Variants in RGS6 observed in about 807,000 individuals in gnomAD.
RGS6 encodes regulator of G-protein signaling 6.
A neutral mutation model predicts 78.5 loss-of-function variants in RGS6; 30 were observed. The ratio of observed to expected loss-of-function variants is 0.38; its 90% CI spans 0.29 to 0.52. RGS6 has a LOEUF of 0.52. Among genes scored for constraint, RGS6 ranks in the 20% least tolerant of loss-of-function variants. The pLI, the probability that RGS6 is intolerant of heterozygous loss-of-function variation, is 0.85. For missense variants in RGS6, 495 were observed against 609.7 expected (o/e 0.81, Z 1.98); for synonymous variants, 206 against 206.0 (o/e 1.00, Z 0.00).
intron 2 of RGS6, among the ~76,000 whole-genome samples, chr14:72,295,355 C>T (rs546968998): frequency 6.6e-6 from 1 of 151,828 alleles, no homozygotes; most frequent in African/African-American, 2.4e-5. Flanking sequence ...GTATACGCAA[C>T]TGTGAAAAAG....
chr14:71,981,758 C>G (rs1171061264), intron 2 of RGS6, among the ~76,000 whole-genome samples: 1 of 150,934 alleles, frequency 6.6e-6, no homozygotes, highest in African/African-American at 2.4e-5. Context: ...TGCCCTGCCC[C>G]CAGAGGTGGA....
chr14:72,413,378 C>G (rs1482918770), intron 3 of RGS6, among the ~76,000 whole-genome samples: 2 of 152,158 alleles, frequency 1.3e-5, no homozygotes, highest in South Asian at 4.1e-4. Context: ...TTATCAGAGA[C>G]TAGGATTGCA....
chr14:72,352,483 G>C (rs1398577906), intron 3 of RGS6, among the ~76,000 whole-genome samples: 2 of 152,008 alleles, frequency 1.3e-5, no homozygotes, highest in African/African-American at 4.8e-5. Flanking sequence ...TTTGCCTGTG[G>C]GATACACACA....
chr14:72,533,535 T>C (rs1325959571), intron 15 of RGS6, among the ~76,000 whole-genome samples: 3 of 152,254 alleles, frequency 2.0e-5, no homozygotes, highest in African/African-American at 7.2e-5. Context: ...CAGACAGTGA[T>C]TCCTCTGATG....
chr14:71,937,817 C>T (rs914286431), intron 1 of RGS6, among the ~76,000 whole-genome samples: 13 of 152,324 alleles, frequency 8.5e-5, no homozygotes, highest in African/African-American at 2.6e-4. Context: ...AAACCTCTGC[C>T]CTTTCCATGA....
intron 2 of RGS6, among the ~76,000 whole-genome samples, chr14:71,965,253 A>T (rs1291562351): frequency 6.6e-6 from 1 of 152,232 alleles, no homozygotes; most frequent in Non-Finnish European, 1.5e-5. Context: ...GTATATTTGT[A>T]TGAGATGCTT....
At chr14:71,906,628 G>T in the RGS6 span, among the ~76,000 whole-genome samples, 1 of 152,168 alleles carries the variant, frequency 6.6e-6, no homozygotes, top group African/African-American at 2.4e-5. Context: ...TGATACAGGA[G>T]AGTGCCCAAG....
intron 3 of RGS6, among the ~76,000 whole-genome samples, chr14:72,404,604 G>A (rs1393255906): frequency 6.6e-6 from 1 of 152,230 alleles, no homozygotes; most frequent in East Asian, 1.9e-4. Context: ...CAACAAAGAG[G>A]TCAAATGACA....
At chr14:72,100,071 G>A (rs1338872243) in intron 2 of RGS6, among the ~76,000 whole-genome samples, 1 of 152,194 alleles carries the variant, frequency 6.6e-6, no homozygotes. Flanking sequence ...GTACAGGGGA[G>A]AGTTGCTTGG....
chr14:71,896,111 C>T, the RGS6 span, among the ~76,000 whole-genome samples: 1 of 152,012 alleles, frequency 6.6e-6, no homozygotes, highest in Non-Finnish European at 1.5e-5. Context: ...TGTAAATTTT[C>T]TAGAAAGTGT....
chr14:71,981,794 T>G (rs1446590707), intron 2 of RGS6, among the ~76,000 whole-genome samples: 3 of 149,862 alleles, frequency 2.0e-5, no homozygotes, highest in Non-Finnish European at 4.4e-5. Context: ...CAGGCCTCCT[T>G]GAGCTGTGGT....
At chr14:71,922,539 A>G in the RGS6 span, among the ~76,000 whole-genome samples, 1 of 152,254 alleles carries the variant, frequency 6.6e-6, no homozygotes, top group Non-Finnish European at 1.5e-5. Flanking sequence ...CATCTTACAT[A>G]ACCATAGTAC....
At chr14:72,251,482 T>C (rs898593860) in intron 2 of RGS6, among the ~76,000 whole-genome samples, 2 of 152,186 alleles carry the variant, frequency 1.3e-5, no homozygotes, top group African/African-American at 4.8e-5. Flanking sequence ...CAGAGGCACT[T>C]TCTGAGGTAT....
chr14:72,149,648 A>C (rs775592837), intron 2 of RGS6, among the ~76,000 whole-genome samples: 18 of 152,198 alleles, frequency 1.2e-4, no homozygotes, highest in Non-Finnish European at 2.1e-4. Flanking sequence ...GAGGAATACA[A>C]ATCAGATTTA....
At chr14:72,554,318 T>C (rs1036091561) in intron 17 of RGS6, among the ~76,000 whole-genome samples, 4 of 152,218 alleles carry the variant, frequency 2.6e-5, no homozygotes, top group African/African-American at 7.2e-5. Context: ...AGAGTCCTCA[T>C]AGGTCCTCAG....
At chr14:72,111,873 C>T (rs1295414535) in intron 2 of RGS6, among the ~76,000 whole-genome samples, 4 of 152,200 alleles carry the variant, frequency 2.6e-5, no homozygotes, top group Non-Finnish European at 4.4e-5. Context: ...GCAGTCTCAA[C>T]TAGAGATCTG....
the RGS6 span, among the ~76,000 whole-genome samples, chr14:72,626,763 C>A: frequency 2.0e-5 from 3 of 152,128 alleles, no homozygotes; most frequent in Admixed American, 2.0e-4. Flanking sequence ...AATTTCCCTC[C>A]CCAGGGTTGT....
intron 2 of RGS6, among the ~76,000 whole-genome samples, chr14:72,090,773 A>G (rs1036557814): frequency 6.6e-6 from 1 of 152,168 alleles, no homozygotes; most frequent in African/African-American, 2.4e-5. Context: ...GTGCCCAGCC[A>G]GGGAGTGTTA....
At chr14:72,216,362 G>A (rs1197662864) in intron 2 of RGS6, among the ~76,000 whole-genome samples, 3 of 152,178 alleles carry the variant, frequency 2.0e-5, no homozygotes, top group Non-Finnish European at 2.9e-5. Flanking sequence ...GACCTCAGGT[G>A]TATTCATGCA....
Sources: gnomAD v4.1 joint callset for allele counts (sites outside exome capture counted in the v4.1 genomes callset) on GRCh38, gnomAD v4.1.1 for gene constraint, MANE v1.5 for transcripts, NCBI Gene and HGNC (gene_info 2026-07-23, HGNC 2026-07-21) for gene names.